The following UBR4 variants were observed in gnomAD, a reference collection of about 807,000 sequenced individuals.
UBR4 encodes the protein ubiquitin protein ligase E3 component n-recognin 4.
In UBR4, 124 loss-of-function variants were observed where a neutral mutation model predicts 575.6. That is an observed-to-expected ratio of 0.22 (90% CI 0.19 to 0.25). The LOEUF is 0.25. Ranked by LOEUF, UBR4 falls within the 10% of genes least tolerant of loss-of-function variation. The pLI is 1.00. For missense variants in UBR4, 4,818 were observed against 6,478.8 expected, an observed-to-expected ratio of 0.74 and a Z score of 8.80; for synonymous variants, 2,455 against 2,473.7, an observed-to-expected ratio of 0.99 and a Z score of 0.22.
rs1268877487 is a variant in UBR4 at position 19,115,634 on chromosome 1, T to C, written c.10827A>G (p.Pro3609=). Residue 3609 remains proline, a synonymous_variant, in exon 74 of 106, where the codon CCA becomes CCG. Coordinates refer to ENST00000375254, the MANE Select transcript of UBR4 (RefSeq NM_020765.3). ...VQAIVELKNK[P]ARWHKAKKVQ... Reference sequence around the variant, plus strand: ...CCTTCTTGGCTTTGTGCCAGCGAGCTGGCCTAGGAAAGACAGACAGCCTTG... The same window carrying C: ...CCTTCTTGGCTTTGTGCCAGCGAGCCGGCCTAGGAAAGACAGACAGCCTTG... 1 of 1,614,124 alleles carries C rather than the reference T, an allele frequency of 6.2e-7. No homozygotes were observed. Among genetic ancestry groups the C allele is most frequent in the East Asian group, 2.2e-5 (1 of 44,880 alleles).
In UBR4 at chr1:19,156,222, A is replaced by C. The variant is rs772685719; in HGVS notation, c.6072+49T>G. 8 of 1,598,356 alleles carry C rather than the reference A, an allele frequency of 5.0e-6. No homozygotes were observed. In the African/African-American group the frequency reaches 1.1e-4, roughly 22 times the overall value. ...GCTAGCACATAGTGATTCTGGATTT[A>C]AAAGTAGAAAAATTCTAGGACCATA... On this transcript the variant is annotated intron_variant, in intron 42 of 105. Coordinates refer to ENST00000375254, the MANE Select transcript of UBR4 (RefSeq NM_020765.3).
chr1:19,169,595 A>T, intron 26 of UBR4, 63 bp from the exon 27 acceptor site: 1 of 1,430,564 alleles, frequency 7.0e-7, no homozygotes, highest in Non-Finnish European at 9.6e-7. Context: ...AGAGCATTTT[A>T]AAAGCCAAGC....
At chr1:19,101,886 A>C (rs771907848) in intron 87 of UBR4, among the ~76,000 whole-genome samples, 2 of 152,236 alleles carry the variant, frequency 1.3e-5, no homozygotes, top group African/African-American at 2.4e-5. Context: ...GGCTGTGTAC[A>C]TGTCTTGCTC....
At chr1:19,158,099 A>G (rs1385167180) in intron 39 of UBR4, 102 bp from the exon 40 acceptor site, 6 of 1,301,164 alleles carry the variant, frequency 4.6e-6, no homozygotes, top group Non-Finnish European at 6.3e-6. Flanking sequence ...CAATTCAGTC[A>G]TTCAAAAGCA....
intron 25 of UBR4, 101 bp from the exon 26 acceptor site, chr1:19,170,984 C>G (rs1298416156): frequency 1.3e-6 from 2 of 1,530,546 alleles, no homozygotes; most frequent in East Asian, 4.6e-5. Flanking sequence ...TCTCAGTTTC[C>G]TATCTATTTA....
intron 44 of UBR4, among the ~76,000 whole-genome samples, chr1:19,154,199 T>C (rs1183827017): frequency 1.3e-5 from 2 of 152,246 alleles, no homozygotes; most frequent in Admixed American, 6.5e-5. Flanking sequence ...TGGCCCTATG[T>C]GCCTAGAGGC....
intron 5 of UBR4, 118 bp from the exon 6 acceptor site, chr1:19,198,167 T>G (rs1318418716): frequency 1.0e-6 from 1 of 991,394 alleles, no homozygotes; most frequent in African/African-American, 1.6e-5. Context: ...AAGGGAAAAT[T>G]CCTTACTCAT....
At chr1:19,161,774 C>T (rs1273299123) in intron 36 of UBR4, 38 bp from the exon 37 acceptor site, 1 of 1,613,826 alleles carries the variant, frequency 6.2e-7, no homozygotes, top group Admixed American at 1.7e-5. Flanking sequence ...GCTCAGAAGT[C>T]CCAACAATCG....
intron 1 of UBR4, among the ~76,000 whole-genome samples, chr1:19,203,110 T>TAAAG (rs1447494268): frequency 6.7e-6 from 1 of 149,670 alleles, no homozygotes; most frequent in Non-Finnish European, 1.5e-5. Context: ...AACATGAAGG[T>TAAAG]AAAGCAAAGA....
At chr1:19,134,868 C>T (rs376568047) in intron 60 of UBR4, among the ~76,000 whole-genome samples, 2 of 152,162 alleles carry the variant, frequency 1.3e-5, no homozygotes, top group South Asian at 2.1e-4. Context: ...AGCCTAGGAG[C>T]CTATAAGGAA....
chr1:19,203,516 TATC>T (rs1219434714), intron 1 of UBR4, among the ~76,000 whole-genome samples: 7 of 147,822 alleles, frequency 4.7e-5, no homozygotes, highest in Non-Finnish European at 1.0e-4. Context: ...AAAAAAAAAG[TATC>T]ATCCTAAGAA....
intron 93 of UBR4, 146 bp downstream of exon 93, chr1:19,095,399 G>T: frequency 1.3e-6 from 1 of 772,440 alleles, no homozygotes; most frequent in Non-Finnish European, 2.1e-6. Flanking sequence ...GCAGCTGAAT[G>T]ACCCAAGCCT....
intron 17 of UBR4, among the ~76,000 whole-genome samples, chr1:19,179,663 A>G (rs2090668380): frequency 6.6e-6 from 1 of 152,260 alleles, no homozygotes; most frequent in Non-Finnish European, 1.5e-5. Flanking sequence ...AGAGATCCGC[A>G]GTATTCGCAG....
chr1:19,185,581 T>TC (rs1173159065), intron 14 of UBR4, among the ~76,000 whole-genome samples: 2 of 120,090 alleles, frequency 1.7e-5, no homozygotes, highest in Non-Finnish European at 4.1e-5. Context: ...TTCTTTTTTT[T>TC]TTTTTTTTTT....
intron 33 of UBR4, 116 bp downstream of exon 33, chr1:19,164,137 C>T (rs1006499549): frequency 1.6e-6 from 2 of 1,275,034 alleles, no homozygotes; most frequent in African/African-American, 1.5e-5. Context: ...AACTCCCAAA[C>T]TCCAATGAAA....
At position 19,152,416 on chromosome 1, in the gene UBR4, A is replaced by T; in HGVS notation, c.6893T>A (p.Leu2298Gln). ...PIDFFEHNQQLTDVEFGGNDL... is the reference protein window; with the variant it reads ...PIDFFEHNQQQTDVEFGGNDL... ...GTTACCACCAAACTCCACATCTGTC[A>T]GCTGCTGGTTGTGTTCAAAAAAGTC... Residue 2298 changes from leucine (L) to glutamine (Q), a missense_variant, in exon 47 of 106, where the codon CTG becomes CAG. Around this residue, in one of 29 missense-constraint regions of UBR4, gnomAD observed 461 missense variants for 606.9 expected, o/e 0.76. Coordinates refer to ENST00000375254, the MANE Select transcript of UBR4 (RefSeq NM_020765.3). This position sits in a 1 kb window ranked among gnomAD's most constrained non-coding sequence, Gnocchi z 4.4. The T allele has an allele frequency of 6.2e-7, 1 of 1,613,936 alleles. No individual in the cohort carries two copies. Among genetic ancestry groups the T allele is most frequent in the Non-Finnish European group, 8.5e-7 (1 of 1,179,830 alleles).
intron 75 of UBR4, among the ~76,000 whole-genome samples, 158 bp from the exon 76 acceptor site, chr1:19,114,228 T>C (rs1484635395): frequency 6.6e-6 from 1 of 152,188 alleles, no homozygotes; most frequent in Non-Finnish European, 1.5e-5. Flanking sequence ...TCCTGTGAGG[T>C]GGGTATATTA....
chr1:19,194,986 C>T (rs2092360546), intron 8 of UBR4, among the ~76,000 whole-genome samples: 4 of 151,212 alleles, frequency 2.6e-5, no homozygotes, highest in Admixed American at 2.6e-4. Context: ...TCTGGCCAGG[C>T]ACGGTGGCTC....
At chr1:19,166,107 TA>T (rs1389345147) in intron 29 of UBR4, among the ~76,000 whole-genome samples, 1 of 152,208 alleles carries the variant, frequency 6.6e-6, no homozygotes, top group Non-Finnish European at 1.5e-5. Flanking sequence ...ATTTATCTGT[TA>T]AAAAGAAAAG....
Sources: gnomAD v4.1 joint callset for allele counts (sites outside exome capture counted in the v4.1 genomes callset) on GRCh38, gnomAD v4.1.1 for gene constraint, gnomAD v4.1.1 regional missense constraint, Gnocchi (gnomAD v3.1) non-coding constraint, MANE v1.5 for transcripts, NCBI Gene and HGNC (gene_info 2026-07-23, HGNC 2026-07-21) for gene names.